The following BICC1 variants were observed in gnomAD, a reference collection of about 807,000 sequenced individuals.
BICC1 encodes the protein protein bicaudal C homolog 1.
In BICC1, 43 loss-of-function variants were observed where a neutral mutation model predicts 111.0. The ratio of observed to expected loss-of-function variants is 0.39; its 90% CI spans 0.30 to 0.50. BICC1 has a LOEUF of 0.50. Among genes scored for constraint, BICC1 ranks in the 20% least tolerant of loss-of-function variants. The pLI is 0.88. For missense variants in BICC1, 1,091 were observed against 1,203.2 expected (o/e 0.91, Z 1.38); for synonymous variants, 467 against 434.4 (o/e 1.07, Z -0.93).
chr10:58,557,200 T>C (rs1843474051), intron 1 of BICC1, among the ~76,000 whole-genome samples: 1 of 152,154 alleles, frequency 6.6e-6, no homozygotes, highest in Admixed American at 6.6e-5. Context: ...TCTACTCTTT[T>C]CTGGCTTGCA....
At chr10:58,644,005 T>A (rs1838195249) in intron 2 of BICC1, among the ~76,000 whole-genome samples, 1 of 152,124 alleles carries the variant, frequency 6.6e-6, no homozygotes, top group South Asian at 2.1e-4. Context: ...TGTGCTAATA[T>A]GACTTAAATC....
chr10:58,704,158 C>G (rs577908918), intron 3 of BICC1, among the ~76,000 whole-genome samples: 18 of 152,134 alleles, frequency 1.2e-4, no homozygotes, highest in Non-Finnish European at 2.6e-4. Flanking sequence ...GCAGTACATT[C>G]GAGGGTGTTT....
At chr10:58,525,929 C>T (rs1842528819) in intron 1 of BICC1, among the ~76,000 whole-genome samples, 1 of 151,786 alleles carries the variant, frequency 6.6e-6, no homozygotes, top group African/African-American at 2.4e-5. Context: ...AATAATAGTA[C>T]ATTTGGTTGA....
rs191526932 is a variant in BICC1 at position 58,820,338 on chromosome 10, A to G, written c.2695-31A>G. 4.0e-4 allele frequency: 569 copies of G among 1,420,056 alleles called. 3 individuals are homozygous for G. In the East Asian group the frequency reaches 0.012, roughly 31 times the overall value. The allele number at this position is 1,420,056 out of a possible 1,614,324, so 88.0% of individuals were successfully genotyped here. A position where few individuals can be genotyped will look rare whatever the true frequency, so the allele number is the denominator to read the frequency against. On this transcript the variant is annotated intron_variant, in intron 19 of 20. Transcript: ENST00000373886. Reference sequence around the variant, plus strand: ...GGGAAAGAAAATAAGTAATTAATACATTGGTTATAGATTGACCTTTCTACC... The same window carrying G: ...GGGAAAGAAAATAAGTAATTAATACGTTGGTTATAGATTGACCTTTCTACC...
At chr10:58,792,030 G>A (rs1444829089) in intron 8 of BICC1, among the ~76,000 whole-genome samples, 1 of 152,100 alleles carries the variant, frequency 6.6e-6, no homozygotes, top group Non-Finnish European at 1.5e-5. Context: ...GGCCTCAAGT[G>A]ATCCACCCAC....
At chr10:58,826,338 G>A (rs142906301) in intron 20 of BICC1, among the ~76,000 whole-genome samples, 407 of 152,318 alleles carry the variant, frequency 2.7e-3, no homozygotes, top group Middle Eastern at 0.014. Flanking sequence ...TACCACATGA[G>A]TTCCCAGACA....
chr10:58,760,948 T>C (rs1464074547), intron 3 of BICC1, among the ~76,000 whole-genome samples: 1 of 152,188 alleles, frequency 6.6e-6, no homozygotes, highest in Admixed American at 6.5e-5. Context: ...AAGGGTGTTC[T>C]CTAGACAATG....
At chr10:58,568,674 T>A in intron 1 of BICC1, among the ~76,000 whole-genome samples, 1 of 152,160 alleles carries the variant, frequency 6.6e-6, no homozygotes, top group Admixed American at 6.6e-5. Context: ...CCAGGGTTTT[T>A]AGGTAAGGAT....
intron 2 of BICC1, among the ~76,000 whole-genome samples, chr10:58,627,230 A>G (rs569815821): frequency 1.6e-4 from 25 of 152,346 alleles, no homozygotes; most frequent in African/African-American, 6.0e-4. Flanking sequence ...GGTTCCTTGA[A>G]ACCAAACTCA....
chr10:58,670,612 T>C (rs1204957753), intron 2 of BICC1, among the ~76,000 whole-genome samples: 7 of 152,078 alleles, frequency 4.6e-5, no homozygotes, highest in Non-Finnish European at 1.0e-4. Flanking sequence ...ACTTGAACAG[T>C]AGAGGGAATG....
intron 3 of BICC1, among the ~76,000 whole-genome samples, chr10:58,779,663 CTTTTCCAAGGTGACAG>C (rs989417385): frequency 7.0e-5 from 3 of 42,870 alleles, no homozygotes; most frequent in Non-Finnish European, 1.6e-4. Context: ...GATTCAGTGA[CTTTTCCAAGGTGACAG>C]AGTTTGTTTA....
At chr10:58,666,193 C>T (rs561821886) in intron 2 of BICC1, among the ~76,000 whole-genome samples, 46 of 152,254 alleles carry the variant, frequency 3.0e-4, no homozygotes, top group Middle Eastern at 3.4e-3. Context: ...GACCTACTTT[C>T]ACTTTCAGAA....
At chr10:58,715,113 C>T (rs575998691) in intron 3 of BICC1, among the ~76,000 whole-genome samples, 73 of 151,520 alleles carry the variant, frequency 4.8e-4, no homozygotes, top group African/African-American at 1.7e-3. Flanking sequence ...GGAGAATAAA[C>T]GACATCTTGG....
At chr10:58,719,317 C>T (rs1295388535) in intron 3 of BICC1, among the ~76,000 whole-genome samples, 1 of 152,160 alleles carries the variant, frequency 6.6e-6, no homozygotes, top group Non-Finnish European at 1.5e-5. Context: ...CTACTTTACA[C>T]CTGGGTTGTG....
At chr10:58,584,672 A>G (rs1195541813) in intron 1 of BICC1, among the ~76,000 whole-genome samples, 1 of 152,154 alleles carries the variant, frequency 6.6e-6, no homozygotes, top group Non-Finnish European at 1.5e-5. Flanking sequence ...GAGTGTGACT[A>G]GCTGTTCCAG....
intron 2 of BICC1, among the ~76,000 whole-genome samples, chr10:58,642,736 G>A (rs1031039783): frequency 2.0e-5 from 3 of 151,626 alleles, no homozygotes; most frequent in African/African-American, 7.3e-5. Flanking sequence ...GCAGGATCTT[G>A]CTCTGCCACC....
intron 2 of BICC1, among the ~76,000 whole-genome samples, chr10:58,652,163 C>G (rs1483734472): frequency 3.9e-5 from 6 of 152,044 alleles, no homozygotes; most frequent in African/African-American, 1.4e-4. Context: ...TCATCTATAA[C>G]ATGAAGAAAC....
At chr10:58,820,549 ATT>A in intron 20 of BICC1, 81 bp downstream of exon 20, 1 of 1,008,422 alleles carries the variant, frequency 9.9e-7, no homozygotes, top group Non-Finnish European at 1.5e-6. Flanking sequence ...GTTTCTACCC[ATT>A]AACTGCTGGC....
intron 3 of BICC1, among the ~76,000 whole-genome samples, chr10:58,743,773 TTTTC>T (rs1452919159): frequency 9.7e-5 from 3 of 30,840 alleles, no homozygotes; most frequent in Admixed American, 5.9e-4. Flanking sequence ...AATAGTTTTC[TTTTC>T]TTTTTTTTTT....
Sources: gnomAD v4.1 joint callset for allele counts (sites outside exome capture counted in the v4.1 genomes callset) on GRCh38, gnomAD v4.1.1 for gene constraint, MANE v1.5 for transcripts, NCBI Gene and HGNC (gene_info 2026-07-23, HGNC 2026-07-21) for gene names.